Variants in DSCAM observed in about 807,000 individuals in gnomAD.
DSCAM encodes the protein cell adhesion molecule DSCAM.
A neutral mutation model predicts 217.7 loss-of-function variants in DSCAM; 47 were observed. The observed-to-expected ratio is 0.22, with a 90% CI of 0.17 to 0.28. The LOEUF (loss-of-function observed/expected upper bound fraction) is 0.28. Among genes scored for constraint, DSCAM ranks in the 10% least tolerant of loss-of-function variants. DSCAM has a pLI of 1.00. For missense variants in DSCAM, 2,080 were observed against 2,618.3 expected (o/e 0.79, Z 4.49); for synonymous variants, 1,056 against 1,015.3 (o/e 1.04, Z -0.76).
At chr21:40,374,200 A>T (rs921170368) in intron 3 of DSCAM, among the ~76,000 whole-genome samples, 2 of 152,236 alleles carry the variant, frequency 1.3e-5, no homozygotes, top group African/African-American at 4.8e-5. Flanking sequence ...ATAACTTTTC[A>T]ATTGAAAAAA....
intron 11 of DSCAM, among the ~76,000 whole-genome samples, chr21:40,242,153 T>G (rs905612442): frequency 6.6e-6 from 1 of 152,166 alleles, no homozygotes; most frequent in South Asian, 2.1e-4. Flanking sequence ...CTAAAAGTTT[T>G]TTTTTTTTTT....
At chr21:40,555,866 T>G (rs1425997270) in intron 3 of DSCAM, among the ~76,000 whole-genome samples, 1 of 152,100 alleles carries the variant, frequency 6.6e-6, no homozygotes, top group Admixed American at 6.5e-5. Flanking sequence ...TGAAGTCTTA[T>G]CCTTAAGTAA....
chr21:40,240,415 T>C (rs942974244), intron 11 of DSCAM, among the ~76,000 whole-genome samples: 1 of 150,330 alleles, frequency 6.7e-6, no homozygotes, highest in South Asian at 2.1e-4. Flanking sequence ...TAATGTATCT[T>C]GCATACAGAT....
chr21:40,148,777 G>A (rs1339435371), intron 16 of DSCAM, among the ~76,000 whole-genome samples: 8 of 151,696 alleles, frequency 5.3e-5, no homozygotes, highest in South Asian at 2.1e-4. Flanking sequence ...CAAAAATACT[G>A]TGAACACCAC....
chr21:40,248,898 G>C (rs969177534), intron 11 of DSCAM, among the ~76,000 whole-genome samples: 1 of 152,168 alleles, frequency 6.6e-6, no homozygotes, highest in African/African-American at 2.4e-5. Context: ...GGAGGCGAAA[G>C]CCACTTCTTA....
At chr21:40,689,005 G>GC (rs1475769610) in intron 3 of DSCAM, among the ~76,000 whole-genome samples, 1 of 152,124 alleles carries the variant, frequency 6.6e-6, no homozygotes, top group Admixed American at 6.5e-5. Flanking sequence ...ATCAATGCAG[G>GC]CCCTAATGTG....
At chr21:40,663,433 C>A (rs1486920633) in intron 3 of DSCAM, among the ~76,000 whole-genome samples, 1 of 152,002 alleles carries the variant, frequency 6.6e-6, no homozygotes, top group Non-Finnish European at 1.5e-5. Flanking sequence ...TGCCGGCACT[C>A]TCCTCCCACC....
chr21:40,615,917 CAT>C (rs1446252656), intron 3 of DSCAM, among the ~76,000 whole-genome samples: 1 of 152,090 alleles, frequency 6.6e-6, no homozygotes, highest in Non-Finnish European at 1.5e-5. Context: ...CCCAAGGACT[CAT>C]GTGTGGCTGT....
intron 1 of DSCAM, among the ~76,000 whole-genome samples, chr21:40,808,182 A>G (rs1223139993): frequency 1.3e-5 from 2 of 150,998 alleles, no homozygotes; most frequent in Non-Finnish European, 1.5e-5. Context: ...TCAAAGGGTC[A>G]GCTATTAAAA....
At chr21:40,636,085 G>A (rs1258301111) in intron 3 of DSCAM, among the ~76,000 whole-genome samples, 2 of 152,080 alleles carry the variant, frequency 1.3e-5, no homozygotes, top group Non-Finnish European at 2.9e-5. Context: ...TGGGTAACTC[G>A]AGATAGATTA....
At position 40,080,188 on chromosome 21, in the gene DSCAM, T is replaced by C. The variant is rs763277981; in HGVS notation, c.4384A>G (p.Ile1462Val). The change falls in exon 25 of 33, where the codon ATA becomes GTA. Residue 1462 changes from isoleucine to valine, a missense_variant. Ile to Val is a conservative substitution (Grantham distance 29). Transcript: ENST00000400454. ...TAQNGVGPGRISEIIEAKTLG... is the reference protein window; with the variant it reads ...TAQNGVGPGRVSEIIEAKTLG... ...GTCTTTGCTTCTATGATTTCACTTA[T>C]GCGCCCTGGGCCCACTCCATTTTGG... is the stretch of plus-strand genomic sequence containing the variant. 7.5e-6 allele frequency: 12 copies of C among 1,594,876 alleles called. No homozygotes were observed. Among genetic ancestry groups the C allele is most frequent in the African/African-American group, 1.4e-5 (1 of 70,538 alleles).
rs928928986 is a variant in DSCAM, at chr21:40,797,946, CA to C, written c.43+48672del. Among the ~76,000 whole-genome samples the C allele has an allele frequency of 5.2e-3, 691 of 133,002 alleles. 2 individuals carry two copies. The highest frequency in any genetic ancestry group is 7.1e-3 in the Non-Finnish European group (431 of 60,922). 87.3% of individuals were successfully genotyped at this position (133,002 alleles called of 152,430 possible). A position where few individuals can be genotyped will look rare whatever the true frequency, so the allele number is the denominator to read the frequency against. The stretch of plus-strand genomic sequence containing the variant: ...AAGAATTTTATCTTGTCATCTGGGA[CA>C]AAAAAAAAAAGATCCTTCATTAGAT... On this transcript the variant is annotated intron_variant, in intron 1 of 32. Coordinates refer to ENST00000400454, the MANE Select transcript of DSCAM (RefSeq NM_001389.5).
intron 3 of DSCAM, among the ~76,000 whole-genome samples, chr21:40,528,726 T>A (rs1601718175): frequency 6.6e-6 from 1 of 152,016 alleles, no homozygotes; most frequent in East Asian, 1.9e-4. Flanking sequence ...CATCTGTCCT[T>A]TGTTTTTGCT....
intron 3 of DSCAM, among the ~76,000 whole-genome samples, chr21:40,530,425 C>T (rs971198325): frequency 6.6e-5 from 10 of 152,156 alleles, no homozygotes; most frequent in African/African-American, 2.4e-4. Context: ...TTTGGGAGCT[C>T]TGATAACAGG....
intron 11 of DSCAM, among the ~76,000 whole-genome samples, chr21:40,238,954 A>G (rs2073113220): frequency 6.6e-6 from 1 of 152,160 alleles, no homozygotes; most frequent in East Asian, 1.9e-4. Flanking sequence ...TGCCACTCTG[A>G]AAAAAAGTAG....
chr21:40,516,376 G>C (rs914333407), intron 3 of DSCAM, among the ~76,000 whole-genome samples: 4 of 152,106 alleles, frequency 2.6e-5, no homozygotes, highest in African/African-American at 7.2e-5. Context: ...TCAGACCATG[G>C]AAACAATGTA....
At chr21:40,685,027 A>T (rs966106822) in intron 3 of DSCAM, among the ~76,000 whole-genome samples, 20 of 152,232 alleles carry the variant, frequency 1.3e-4, no homozygotes, top group African/African-American at 4.6e-4. Flanking sequence ...AGTATGAGTC[A>T]ATGTGTTTTC....
At chr21:40,669,172 G>A (rs916368299) in intron 3 of DSCAM, among the ~76,000 whole-genome samples, 4 of 152,122 alleles carry the variant, frequency 2.6e-5, no homozygotes, top group East Asian at 1.9e-4. Flanking sequence ...GACCCTAGAC[G>A]AATCTCTCCA....
At chr21:40,108,476 C>T (rs952130107) in intron 20 of DSCAM, among the ~76,000 whole-genome samples, 3 of 152,146 alleles carry the variant, frequency 2.0e-5, no homozygotes, top group African/African-American at 7.2e-5. Context: ...AGGAGAACTA[C>T]AAACTACTGC....
Sources: gnomAD v4.1 joint callset for allele counts (sites outside exome capture counted in the v4.1 genomes callset) on GRCh38, gnomAD v4.1.1 for gene constraint, MANE v1.5 for transcripts, NCBI Gene and HGNC (gene_info 2026-07-23, HGNC 2026-07-21) for gene names.